The following LRRIQ3 variants were observed in gnomAD, a reference collection of about 807,000 sequenced individuals.
LRRIQ3 encodes leucine rich repeats and IQ motif containing 3.
Under a neutral mutation model 59.3 loss-of-function variants are expected in LRRIQ3, and 75 were observed. That is an observed-to-expected ratio of 1.26 (90% confidence interval 1.05 to 1.53). The LOEUF (loss-of-function observed/expected upper bound fraction) is 1.53. Ranked by LOEUF, LRRIQ3 falls within the 40% of genes most tolerant of loss-of-function variation. The pLI, the probability that LRRIQ3 is intolerant of heterozygous loss-of-function variation, is 0.00. For missense variants in LRRIQ3, 831 were observed against 710.0 expected (o/e 1.17, Z -1.94); for synonymous variants, 250 against 231.3 (o/e 1.08, Z -0.73).
At chr1:74,061,025 G>C (rs563280514) in intron 6 of LRRIQ3, among the ~76,000 whole-genome samples, 4 of 152,156 alleles carry the variant, frequency 2.6e-5, no homozygotes, top group African/African-American at 9.6e-5. Flanking sequence ...GAGCTGGCAG[G>C]GAAAGCTGCT....
intron 4 of LRRIQ3, among the ~76,000 whole-genome samples, chr1:74,140,668 C>T (rs185726986): frequency 6.6e-6 from 1 of 151,914 alleles, no homozygotes; most frequent in East Asian, 1.9e-4. Context: ...CAATGAAATT[C>T]AAAGTCAAAG....
intron 5 of LRRIQ3, among the ~76,000 whole-genome samples, chr1:74,098,034 G>A (rs538467515): frequency 6.6e-6 from 1 of 152,170 alleles, no homozygotes; most frequent in African/African-American, 2.4e-5. Context: ...CATAATGACA[G>A]GATCAAATTC....
chr1:74,131,203 T>C lies in LRRIQ3; in HGVS notation c.708-21650A>G, dbSNP rs967310952. ...GAAGCTGAATCCCTGAATAGACCAA[T>C]AACAGGCTCTGAAATTGAGGTAATA... On this transcript the variant is annotated intron_variant, in intron 4 of 7. Transcript: ENST00000354431. Among the ~76,000 whole-genome samples, 6 of 151,974 alleles carry C rather than the reference T, an allele frequency of 3.9e-5. No homozygotes were observed. In the East Asian group the frequency reaches 1.2e-3, roughly 29 times the overall value.
intron 6 of LRRIQ3, among the ~76,000 whole-genome samples, chr1:74,061,104 T>C (rs983292245): frequency 3.9e-5 from 6 of 152,048 alleles, no homozygotes; most frequent in East Asian, 1.9e-4. Context: ...ATGAAATCAA[T>C]GTACAAAAGT....
intron 5 of LRRIQ3, among the ~76,000 whole-genome samples, chr1:74,108,210 A>G (rs1646640496): frequency 6.6e-6 from 1 of 151,818 alleles, no homozygotes; most frequent in Non-Finnish European, 1.5e-5. Flanking sequence ...CATACTCTCT[A>G]ATCATACTCC....
chr1:74,094,404 T>C (rs988996642), intron 5 of LRRIQ3, among the ~76,000 whole-genome samples: 16 of 151,912 alleles, frequency 1.1e-4, no homozygotes, highest in Non-Finnish European at 1.5e-5. Flanking sequence ...AGAGGATGTA[T>C]GTAAGAGATG....
At chr1:74,194,708 G>T (rs1281973847) in intron 1 of LRRIQ3, among the ~76,000 whole-genome samples, 1 of 152,106 alleles carries the variant, frequency 6.6e-6, no homozygotes, top group East Asian at 1.9e-4. Flanking sequence ...AATCTGCACA[G>T]AAATCACAAC....
chr1:74,145,400 C>A (rs1425132203), intron 4 of LRRIQ3, among the ~76,000 whole-genome samples: 1 of 152,140 alleles, frequency 6.6e-6, no homozygotes. Flanking sequence ...GCCAGTTACT[C>A]TGTCTTCCTG....
intron 5 of LRRIQ3, chr1:74,081,890 T>C (rs1646276497): frequency 1.3e-5 from 2 of 151,520 alleles, no homozygotes; most frequent in Non-Finnish European, 3.0e-5. Flanking sequence ...GCATTCTACT[T>C]TATATCATAG....
At chr1:74,066,716 A>C (rs1221345045) in intron 6 of LRRIQ3, among the ~76,000 whole-genome samples, 2 of 152,146 alleles carry the variant, frequency 1.3e-5, no homozygotes, top group African/African-American at 4.8e-5. Flanking sequence ...GTCCATCACC[A>C]TGGTTAGTAT....
rs1313725392 is a variant in LRRIQ3, at chr1:74,041,769, T to C, written c.1162A>G (p.Thr388Ala). The stretch of plus-strand genomic sequence containing the variant: ...TTTTTAATGATTGGCTTTGGATGAG[T>C]AGTATAGATTGGCTGAGGATATGCA... ...FPAYPQPIYTTHPKPIIKKDI... is the reference protein window; with the variant it reads ...FPAYPQPIYTAHPKPIIKKDI... Residue 388 changes from threonine (T) to alanine (A), a missense_variant, in exon 7 of 8, where the codon ACT (threonine) becomes GCT (alanine). Physicochemically the swap from Thr to Ala is moderately conservative, Grantham distance 58. Coordinates refer to ENST00000354431, the MANE Select transcript of LRRIQ3 (RefSeq NM_001105659.2). 3 of 1,613,624 alleles carry C rather than the reference T, an allele frequency of 1.9e-6. No individual in the cohort carries two copies. The highest frequency in any genetic ancestry group is 2.2e-5 in the South Asian group (2 of 91,066).
At chr1:74,038,716 C>A (rs1246354617) in intron 7 of LRRIQ3, among the ~76,000 whole-genome samples, 1 of 152,140 alleles carries the variant, frequency 6.6e-6, no homozygotes, top group African/African-American at 2.4e-5. Flanking sequence ...ACCTCAGCAG[C>A]CCTACAGAAG....
chr1:74,133,605 T>C (rs1348413994), intron 4 of LRRIQ3, among the ~76,000 whole-genome samples: 1 of 151,188 alleles, frequency 6.6e-6, no homozygotes, highest in Admixed American at 6.6e-5. Flanking sequence ...AGCAAACTAT[T>C]GCAAGGACGA....
At position 74,079,735 on chromosome 1, in the gene LRRIQ3, G is replaced by A. The variant is rs1000086014; in HGVS notation, c.868-4945C>T. ...AATGCTGAATGAATATAGCCAAAGA[G>A]AAATAGCAGAAGGAATGAGTGGAGA... On this transcript the variant is annotated intron_variant, in intron 5 of 7. Coordinates refer to ENST00000354431, the MANE Select transcript of LRRIQ3 (RefSeq NM_001105659.2). Among the ~76,000 whole-genome samples the A allele has an allele frequency of 3.3e-5, 5 of 151,720 alleles. No homozygotes were observed. The Admixed American group carries it at 3.3e-4, about 10-fold the overall frequency.
intron 1 of LRRIQ3, among the ~76,000 whole-genome samples, chr1:74,184,357 G>A (rs1650216848): frequency 6.6e-6 from 1 of 152,022 alleles, no homozygotes; most frequent in South Asian, 2.1e-4. Context: ...TCTCATATAT[G>A]TGAATTTTCA....
chr1:74,124,407 G>C (rs897577275), intron 4 of LRRIQ3, among the ~76,000 whole-genome samples: 1 of 151,826 alleles, frequency 6.6e-6, no homozygotes, highest in Non-Finnish European at 1.5e-5. Context: ...GCCTGTGCTT[G>C]TGGAGTATTA....
intron 6 of LRRIQ3, among the ~76,000 whole-genome samples, chr1:74,056,956 C>T (rs994751015): frequency 2.6e-5 from 4 of 152,158 alleles, no homozygotes; most frequent in Non-Finnish European, 5.9e-5. Context: ...GCAGTTTCCC[C>T]TGCACTCACT....
chr1:74,154,101 C>A (rs932623223), intron 4 of LRRIQ3, among the ~76,000 whole-genome samples: 1 of 151,488 alleles, frequency 6.6e-6, no homozygotes, highest in Non-Finnish European at 1.5e-5. Flanking sequence ...ATTAGCCGGG[C>A]GTGGCGGCGG....
chr1:74,133,109 A>T (rs1304307028), intron 4 of LRRIQ3, among the ~76,000 whole-genome samples: 2 of 152,222 alleles, frequency 1.3e-5, no homozygotes, highest in Non-Finnish European at 1.5e-5. Flanking sequence ...ACACATGAAA[A>T]AATGCTCATC....
Sources: gnomAD v4.1 joint callset for allele counts (sites outside exome capture counted in the v4.1 genomes callset) on GRCh38, gnomAD v4.1.1 for gene constraint, MANE v1.5 for transcripts, NCBI Gene and HGNC (gene_info 2026-07-23, HGNC 2026-07-21) for gene names.